THSD7B: variants seen among roughly 807,000 people sequenced by gnomAD.
The protein encoded by THSD7B is thrombospondin type 1 domain containing 7B, also known as thrombospondin type-1 domain-containing protein 7B.
A neutral mutation model predicts 213.6 loss-of-function variants in THSD7B; 138 were observed. The ratio of observed to expected loss-of-function variants is 0.65; its 90% confidence interval spans 0.56 to 0.74. The LOEUF (loss-of-function observed/expected upper bound fraction) is 0.74, where lower values mean the gene tolerates loss of function less well. Ranked by LOEUF, THSD7B falls within the 30% of genes least tolerant of loss-of-function variation. The pLI is 0.00. For synonymous variants in THSD7B, 742 were observed against 687.0 expected, an observed-to-expected ratio of 1.08 and a Z score of -1.25; for missense variants, 1,931 against 1,991.5, an observed-to-expected ratio of 0.97 and a Z score of 0.58.
intron 17 of THSD7B, among the ~76,000 whole-genome samples, chr2:137,590,117 C>T (rs1286873960): frequency 2.0e-5 from 3 of 152,118 alleles, no homozygotes; most frequent in Admixed American, 6.5e-5. Context: ...TTTCTCCCTT[C>T]CTTTTACTCC....
At chr2:136,767,145 GC>G (rs1681413744) in intron 1 of THSD7B, among the ~76,000 whole-genome samples, 1 of 152,154 alleles carries the variant, frequency 6.6e-6, no homozygotes, top group African/African-American at 2.4e-5. Context: ...CTCCAGGGAA[GC>G]CTTTTTGTGC....
chr2:137,046,991 A>C (rs563714939), intron 2 of THSD7B, among the ~76,000 whole-genome samples: 1 of 152,328 alleles, frequency 6.6e-6, no homozygotes, highest in East Asian at 1.9e-4. Context: ...TTTCACATGA[A>C]AATGATATAC....
intron 21 of THSD7B, among the ~76,000 whole-genome samples, chr2:137,646,187 GA>G (rs1683027794): frequency 6.6e-6 from 1 of 152,144 alleles, no homozygotes; most frequent in Admixed American, 6.5e-5. Context: ...CAATGTGATG[GA>G]ATTCAGAAGT....
chr2:137,450,002 C>T (rs1001190651), intron 14 of THSD7B, among the ~76,000 whole-genome samples: 19 of 152,108 alleles, frequency 1.2e-4, no homozygotes, highest in East Asian at 3.9e-4. Flanking sequence ...TGCAGTTAAT[C>T]GGGAAAGGAA....
Position 137,354,213 on chromosome 2 carries a change from A to G in THSD7B, c.2501-51400A>G, listed in dbSNP as rs575084750. On this transcript the variant is annotated intron_variant, in intron 12 of 27. Coordinates refer to ENST00000409968, the MANE Select transcript of THSD7B (RefSeq NM_001316349.2). ...TTCTTAAGGGCTACAGTAGTATCTT[A>G]TTTGCCTTTGTATCCCCACAGCCTC... 2.3e-4 allele frequency among the ~76,000 whole-genome samples: 35 copies of G among 152,054 alleles called. No individual in the cohort carries two copies. In the South Asian group the frequency reaches 7.3e-3, roughly 32 times the overall value.
intron 1 of THSD7B, among the ~76,000 whole-genome samples, chr2:136,811,957 C>A (rs902686844): frequency 1.3e-5 from 2 of 152,138 alleles, no homozygotes; most frequent in Non-Finnish European, 2.9e-5. Flanking sequence ...GTTCTGTGAT[C>A]TGAAGAACAA....
At chr2:136,955,440 A>T (rs977720301) in intron 2 of THSD7B, among the ~76,000 whole-genome samples, 1 of 152,160 alleles carries the variant, frequency 6.6e-6, no homozygotes, top group Admixed American at 6.6e-5. Flanking sequence ...GATTCTTTCT[A>T]TGTGTTAATA....
intron 15 of THSD7B, among the ~76,000 whole-genome samples, chr2:137,521,997 A>G (rs1288446796): frequency 6.6e-6 from 1 of 152,162 alleles, no homozygotes; most frequent in Non-Finnish European, 1.5e-5. Flanking sequence ...AAAATCCCAC[A>G]AGACCTCCTT....
chr2:137,011,224 G>C (rs951223727), intron 2 of THSD7B, among the ~76,000 whole-genome samples: 1 of 152,092 alleles, frequency 6.6e-6, no homozygotes, highest in Non-Finnish European at 1.5e-5. Context: ...CAGCTACTCT[G>C]CACTTGAGGC....
intron 2 of THSD7B, among the ~76,000 whole-genome samples, chr2:136,895,388 T>A (rs957729960): frequency 6.6e-6 from 1 of 152,134 alleles, no homozygotes; most frequent in Non-Finnish European, 1.5e-5. Flanking sequence ...CTGCTTATGA[T>A]GTTGCCATTC....
intron 2 of THSD7B, among the ~76,000 whole-genome samples, chr2:137,037,316 G>A (rs1032991298): frequency 1.3e-5 from 2 of 151,840 alleles, no homozygotes; most frequent in African/African-American, 4.8e-5. Flanking sequence ...ATATTAAGAC[G>A]ATCTAAATAT....
chr2:137,317,570 C>G (rs6757118), intron 12 of THSD7B, among the ~76,000 whole-genome samples: 4,130 of 152,212 alleles, frequency 0.027, 213 homozygotes, highest in African/African-American at 0.094. Context: ...TCAACATAAA[C>G]CAGTTTTACT....
chr2:137,547,540 C>T (rs1558834932), intron 15 of THSD7B, among the ~76,000 whole-genome samples: 1 of 151,852 alleles, frequency 6.6e-6, no homozygotes, highest in Admixed American at 6.6e-5. Context: ...GTCTTTTCTC[C>T]AAACTACAAT....
At chr2:137,179,700 A>T (rs1264864996) in intron 7 of THSD7B, among the ~76,000 whole-genome samples, 3 of 152,150 alleles carry the variant, frequency 2.0e-5, no homozygotes, top group Admixed American at 2.0e-4. Flanking sequence ...TAACTGATTC[A>T]TGAGTCAGGA....
At chr2:137,614,537 T>C (rs1558860120) in intron 17 of THSD7B, among the ~76,000 whole-genome samples, 1 of 152,146 alleles carries the variant, frequency 6.6e-6, no homozygotes. Flanking sequence ...TTCATTTTAT[T>C]TTATTGACAA....
intron 14 of THSD7B, among the ~76,000 whole-genome samples, chr2:137,450,640 T>C (rs923296039): frequency 6.6e-6 from 1 of 152,206 alleles, no homozygotes; most frequent in African/African-American, 2.4e-5. Flanking sequence ...CAAAATTGCC[T>C]ACAAAGTGAA....
intron 1 of THSD7B, among the ~76,000 whole-genome samples, chr2:136,819,215 A>G (rs1682532273): frequency 6.6e-6 from 1 of 152,248 alleles, no homozygotes; most frequent in African/African-American, 2.4e-5. Context: ...TTAAAAGTCA[A>G]GATCATTATT....
intron 5 of THSD7B, among the ~76,000 whole-genome samples, chr2:137,159,277 A>G (rs1466595212): frequency 6.6e-6 from 1 of 151,984 alleles, no homozygotes; most frequent in African/African-American, 2.4e-5. Context: ...ACAAAAAGCA[A>G]TAGAAAAAAT....
At chr2:136,807,509 G>GTTTTTTTTTTT (rs777353589) in intron 1 of THSD7B, among the ~76,000 whole-genome samples, 2,172 of 104,582 alleles carry the variant, frequency 0.021, 283 homozygotes, top group East Asian at 0.044. Context: ...AAAATGTTTC[G>GTTTTTTTTTTT]TTTTTTTTTT....
Sources: gnomAD v4.1 joint callset for allele counts (sites outside exome capture counted in the v4.1 genomes callset) on GRCh38, gnomAD v4.1.1 for gene constraint, MANE v1.5 for transcripts, NCBI Gene and HGNC (gene_info 2026-07-23, HGNC 2026-07-21) for gene names.